Variants in TMOD1 observed in about 807,000 individuals in gnomAD.
The protein encoded by TMOD1 is tropomodulin 1, also known as tropomodulin-1.
TMOD1 carries 17 observed loss-of-function variants against 40.6 expected under a neutral mutation model. The observed-to-expected ratio is 0.42, with a 90% CI of 0.29 to 0.63. TMOD1 has a LOEUF of 0.63. TMOD1 is among the 20% of genes least tolerant of loss of function. The probability of loss-of-function intolerance (pLI) is 0.22; values close to 1 mark genes in which losing one functional copy is unlikely to be tolerated. For missense variants in TMOD1, 391 were observed against 447.6 expected, an observed-to-expected ratio of 0.87 and a Z score of 1.14; for synonymous variants, 181 against 175.0, an observed-to-expected ratio of 1.03 and a Z score of -0.27.
In TMOD1 at chr9:97,600,176, T is replaced by C. The variant is rs908503425; in HGVS notation, c.*478T>C. On this transcript the variant is annotated 3_prime_UTR_variant, in exon 10 of 10. Transcript: ENST00000259365. ...TTCTTTATTAACCCTCCTTGGAATT[T>C]TGAAAACCTCGATTAAAGTTGCCAA... is the stretch of plus-strand genomic sequence containing the variant. 2.0e-5 allele frequency: 20 copies of C among 996,024 alleles called. No homozygotes were observed. The African/African-American group carries it at 3.1e-4, about 16-fold the overall frequency. 61.7% of individuals were successfully genotyped at this position (996,024 alleles called of 1,614,324 possible).
intron 1 of TMOD1, among the ~76,000 whole-genome samples, chr9:97,507,302 G>A (rs180691392): frequency 2.6e-5 from 4 of 152,306 alleles, no homozygotes; most frequent in Non-Finnish European, 4.4e-5. Flanking sequence ...AGAGGGAGAC[G>A]TGAGGACAGA....
chr9:97,577,569 C>T (rs901551594), intron 8 of TMOD1, among the ~76,000 whole-genome samples: 3 of 152,144 alleles, frequency 2.0e-5, no homozygotes, highest in African/African-American at 4.8e-5. Context: ...GGGTGGATCA[C>T]TTGAGGTCAG....
intron 2 of TMOD1, among the ~76,000 whole-genome samples, chr9:97,544,893 C>T (rs919027035): frequency 6.6e-6 from 1 of 151,796 alleles, no homozygotes; most frequent in Non-Finnish European, 1.5e-5. Flanking sequence ...CCTGTAATCC[C>T]AGCCACTCAG....
intron 8 of TMOD1, among the ~76,000 whole-genome samples, chr9:97,586,514 GAGCTGTGGTGGGCTCCAC>G (rs1226690002): frequency 1.5e-4 from 23 of 152,124 alleles, no homozygotes; most frequent in Middle Eastern, 3.4e-3. Context: ...AGGCCTCCTT[GAGCTGTGGTGGGCTCCAC>G]CCAGTTCGAG....
At chr9:97,570,995 T>C (rs1240993473) in intron 8 of TMOD1, among the ~76,000 whole-genome samples, 5 of 152,230 alleles carry the variant, frequency 3.3e-5, no homozygotes, top group Non-Finnish European at 5.9e-5. Context: ...TCGCTCATTC[T>C]CAGGCCCTCC....
chr9:97,524,454 A>T, intron 2 of TMOD1, 146 bp downstream of exon 2: 1 of 843,638 alleles, frequency 1.2e-6, no homozygotes, highest in Non-Finnish European at 1.7e-6. Context: ...TTTTCTTTTA[A>T]TGTGTTGTAT....
intron 7 of TMOD1, among the ~76,000 whole-genome samples, chr9:97,567,225 C>T (rs957363627): frequency 3.3e-5 from 5 of 152,228 alleles, no homozygotes; most frequent in African/African-American, 1.2e-4. Flanking sequence ...CTGGCAAAGC[C>T]ACATGCCCTG....
intron 8 of TMOD1, among the ~76,000 whole-genome samples, chr9:97,585,943 G>A (rs1046445953): frequency 1.4e-5 from 2 of 144,488 alleles, no homozygotes; most frequent in African/African-American, 5.3e-5. Flanking sequence ...CTTTGCCTTT[G>A]GTCTGAATGT....
Position 97,565,833 on chromosome 9 carries a change from C to T in TMOD1, c.619-15C>T. ...AGGCTTCTGGTCACTCTCTCTGTTG[C>T]CTTTCTTTGTGCAGAATATCCCCAT... On this transcript the variant is annotated splice_polypyrimidine_tract_variant and intron_variant, in intron 6 of 9. Transcript: ENST00000259365. 1 of 1,606,160 alleles carries T rather than the reference C, an allele frequency of 6.2e-7. No homozygotes were observed. Among genetic ancestry groups the T allele is most frequent in the Non-Finnish European group, 8.5e-7 (1 of 1,172,954 alleles).
intron 2 of TMOD1, among the ~76,000 whole-genome samples, chr9:97,526,789 G>T (rs1274725118): frequency 6.6e-6 from 1 of 152,088 alleles, no homozygotes; most frequent in Non-Finnish European, 1.5e-5. Flanking sequence ...ATCCTTCCTA[G>T]ACCTCAATGT....
chr9:97,501,591 G>C (rs1358498879), upstream of TMOD1: 1 of 149,226 alleles, frequency 6.7e-6, no homozygotes. Flanking sequence ...GGCGGGGCGC[G>C]GTGACAGCCG....
At chr9:97,553,461 G>C in intron 4 of TMOD1, 61 bp downstream of exon 4, 1 of 1,605,548 alleles carries the variant, frequency 6.2e-7, no homozygotes, top group Non-Finnish European at 8.5e-7. Flanking sequence ...CATCTGCAGG[G>C]AGCCTTGTAG....
At chr9:97,512,917 C>G (rs1228123255) in intron 1 of TMOD1, 2 of 152,172 alleles carry the variant, frequency 1.3e-5, no homozygotes, top group African/African-American at 4.8e-5. Context: ...TATACTTAAG[C>G]CTTGCACACT....
intron 2 of TMOD1, among the ~76,000 whole-genome samples, chr9:97,545,084 G>T (rs1416225312): frequency 1.3e-5 from 2 of 152,024 alleles, no homozygotes; most frequent in African/African-American, 2.4e-5. Flanking sequence ...TATCTTTTGG[G>T]TGATGTTCTG....
Position 97,522,451 on chromosome 9 carries a change from G to T in TMOD1, c.-48-1690G>T, listed in dbSNP as rs550264115. ...TGACTAAACTTAACTACTTATATCT[G>T]CAATGACCGTATTTCCAGGTAAGGT... On this transcript the variant is annotated intron_variant, in intron 1 of 9. Coordinates refer to ENST00000259365, the MANE Select transcript of TMOD1 (RefSeq NM_003275.4). Among the ~76,000 whole-genome samples the T allele has an allele frequency of 3.5e-3, 528 of 152,278 alleles. 2 individuals are homozygous for T. The highest frequency in any genetic ancestry group is 5.7e-3 in the Non-Finnish European group (385 of 68,018).
At position 97,557,999 on chromosome 9, in the gene TMOD1, G is replaced by A. The variant is rs1462596442; in HGVS notation, c.397+4599G>A. On this transcript the variant is annotated intron_variant, in intron 4 of 9. Transcript: ENST00000259365. The surrounding 1 kb of genome is among the most constrained non-coding windows in gnomAD (Gnocchi z 4.4). ...CTCACTTCTGTTGACGTGGAGTGTGGCACAAAACCAAGTGAGAGGGAAAGT... is the reference window on the plus strand; with the variant it reads ...CTCACTTCTGTTGACGTGGAGTGTGACACAAAACCAAGTGAGAGGGAAAGT... 6.6e-6 allele frequency among the ~76,000 whole-genome samples: 1 copy of A among 152,182 alleles called. No individual in the cohort carries two copies. The highest frequency in any genetic ancestry group is 1.5e-5 in the Non-Finnish European group (1 of 68,032).
At chr9:97,582,211 T>C (rs1282459391) in intron 8 of TMOD1, among the ~76,000 whole-genome samples, 4 of 150,300 alleles carry the variant, frequency 2.7e-5, no homozygotes. Context: ...TTCAGCTTTC[T>C]ACATATGGCT....
chr9:97,557,870 TAAAAAAAA>T lies in TMOD1; in HGVS notation c.397+4478_397+4485del, dbSNP rs908512113. Among the ~76,000 whole-genome samples, 1 of 142,152 alleles carries T rather than the reference TAAAAAAAA, an allele frequency of 7.0e-6. No individual in the cohort carries two copies. Among genetic ancestry groups the T allele is most frequent in the Non-Finnish European group, 1.5e-5 (1 of 64,664 alleles). 93.3% of individuals were successfully genotyped at this position (142,152 alleles called of 152,430 possible). Reference sequence around the variant, plus strand: ...TTGAGTTTTGAGGAAGATCTAGACTTAAAAAAAAAAAAAAATCAAGTTCCCCAGTGCTA... The same window carrying T: ...TTGAGTTTTGAGGAAGATCTAGACTTAAAAAAATCAAGTTCCCCAGTGCTA... On this transcript the variant is annotated intron_variant, in intron 4 of 9. Transcript: ENST00000259365. This position sits in a 1 kb window ranked among gnomAD's most constrained non-coding sequence, Gnocchi z 4.4.
chr9:97,526,041 G>T (rs1423102005), intron 2 of TMOD1, among the ~76,000 whole-genome samples: 1 of 152,168 alleles, frequency 6.6e-6, no homozygotes, highest in Admixed American at 6.5e-5. Flanking sequence ...ATCCGCAATT[G>T]CCCACTGATT....
Sources: allele counts gnomAD v4.1 joint callset (sites outside exome capture counted in the v4.1 genomes callset), GRCh38; gene constraint gnomAD v4.1.1; non-coding constraint Gnocchi (gnomAD v3.1); transcripts MANE v1.5; gene names NCBI Gene and HGNC (gene_info 2026-07-23, HGNC 2026-07-21).